Variants in NRXN3 observed in about 807,000 individuals in gnomAD.
NRXN3 encodes neurexin III.
A neutral mutation model predicts 137.6 loss-of-function variants in NRXN3; 32 were observed. That is an observed-to-expected ratio of 0.23 (90% confidence interval 0.18 to 0.31). NRXN3 has a LOEUF of 0.31. Ranked by LOEUF, NRXN3 falls within the 10% of genes least tolerant of loss-of-function variation. The probability of loss-of-function intolerance (pLI) is 1.00; values close to 1 mark genes in which losing one functional copy is unlikely to be tolerated. For missense variants in NRXN3, 1,574 were observed against 2,062.5 expected, an observed-to-expected ratio of 0.76 and a Z score of 4.59; for synonymous variants, 798 against 784.5, an observed-to-expected ratio of 1.02 and a Z score of -0.29.
chr14:79,538,484 T>G (rs2097237109), intron 16 of NRXN3, among the ~76,000 whole-genome samples: 1 of 152,194 alleles, frequency 6.6e-6, no homozygotes, highest in Non-Finnish European at 1.5e-5. Flanking sequence ...TTGTATAAGG[T>G]GTAAGGAAGG....
intron 15 of NRXN3, among the ~76,000 whole-genome samples, chr14:79,285,847 C>G (rs960262614): frequency 6.6e-6 from 1 of 151,946 alleles, no homozygotes; most frequent in Admixed American, 6.6e-5. Context: ...TTCTCCTCAC[C>G]GTGCGCTGCC....
intron 4 of NRXN3, among the ~76,000 whole-genome samples, chr14:78,308,390 A>G (rs909801978): frequency 2.0e-5 from 3 of 152,134 alleles, no homozygotes; most frequent in South Asian, 2.1e-4. Context: ...AGCATAGTCA[A>G]GACCATAGAA....
intron 4 of NRXN3, among the ~76,000 whole-genome samples, chr14:78,532,502 C>G (rs187795704): frequency 6.6e-6 from 1 of 151,658 alleles, no homozygotes; most frequent in African/African-American, 2.4e-5. Flanking sequence ...GATGACTTCT[C>G]TCATTCAAGA....
chr14:78,359,255 A>G (rs997635775), intron 4 of NRXN3, among the ~76,000 whole-genome samples: 3 of 152,138 alleles, frequency 2.0e-5, no homozygotes, highest in Non-Finnish European at 2.9e-5. Flanking sequence ...ATTCTGATGT[A>G]TGGTTCTCAG....
chr14:79,280,703 A>G, intron 15 of NRXN3: 1 of 696,446 alleles, frequency 1.4e-6, no homozygotes, highest in Non-Finnish European at 2.4e-6. Flanking sequence ...CTTTCTCATA[A>G]AGGTTAGTGT....
chr14:78,302,045 G>A (rs1361683795), intron 4 of NRXN3, among the ~76,000 whole-genome samples: 2 of 152,096 alleles, frequency 1.3e-5, no homozygotes, highest in African/African-American at 2.4e-5. Context: ...CTCCACTGAC[G>A]CTACTTAGTG....
Position 79,823,928 on chromosome 14 carries a change from T to G in NRXN3, c.4093+18738T>G, listed in dbSNP as rs1393643434. 8 of 448,496 alleles carry G rather than the reference T, an allele frequency of 1.8e-5. No individual in the cohort carries two copies. In the East Asian group the frequency reaches 5.6e-4, roughly 32 times the overall value. 27.8% of individuals were successfully genotyped at this position (448,496 alleles called of 1,614,324 possible). On this transcript the variant is annotated intron_variant, in intron 20 of 20. Coordinates refer to ENST00000335750, the MANE Select transcript of NRXN3 (RefSeq NM_001330195.2). ...ACAAATTGTCCATGGATACACCAGGTGGTAATGCAGCAGCAGTGGGCACAA... is the reference window on the plus strand; with the variant it reads ...ACAAATTGTCCATGGATACACCAGGGGGTAATGCAGCAGCAGTGGGCACAA...
chr14:79,804,644 C>T (rs1342402206), intron 19 of NRXN3, among the ~76,000 whole-genome samples: 1 of 152,148 alleles, frequency 6.6e-6, no homozygotes, highest in African/African-American at 2.4e-5. Flanking sequence ...ATTATGCCAG[C>T]CTGTAGATGC....
At chr14:79,244,590 G>C (rs1434989854) in intron 15 of NRXN3, among the ~76,000 whole-genome samples, 1 of 152,116 alleles carries the variant, frequency 6.6e-6, no homozygotes. Flanking sequence ...CAGTGTAATT[G>C]ATAGGAGCAA....
chr14:79,092,511 T>C (rs1009221993), intron 15 of NRXN3, among the ~76,000 whole-genome samples: 2 of 152,130 alleles, frequency 1.3e-5, no homozygotes, highest in African/African-American at 4.8e-5. Context: ...ACCCTTGCCC[T>C]AAAAGTTTTA....
intron 10 of NRXN3, among the ~76,000 whole-genome samples, chr14:78,834,573 A>C (rs1371068965): frequency 6.6e-6 from 1 of 152,180 alleles, no homozygotes; most frequent in East Asian, 1.9e-4. Flanking sequence ...TGGCCCTTGC[A>C]GTGTTACCTG....
chr14:79,096,112 T>C (rs1040443643), intron 15 of NRXN3, among the ~76,000 whole-genome samples: 4 of 148,416 alleles, frequency 2.7e-5, no homozygotes, highest in African/African-American at 9.8e-5. Flanking sequence ...ATTCTATTCT[T>C]TTTTTTTTTT....
rs531809619 is a variant in NRXN3 at position 78,456,285 on chromosome 14, A to G, written c.757+158425A>G. Among the ~76,000 whole-genome samples, 6 of 152,320 alleles carry G rather than the reference A, an allele frequency of 3.9e-5. No homozygotes were observed. The South Asian group carries it at 1.2e-3, about 32-fold the overall frequency. On this transcript the variant is annotated intron_variant, in intron 4 of 20. Transcript: ENST00000335750. ...AAGTAAACCTTGTAAAGAAAAGTAC[A>G]AAAAGCGGCTCAGGTTTGCTTCTCT...
At chr14:78,527,065 G>A (rs139044800) in intron 4 of NRXN3, among the ~76,000 whole-genome samples, 1 of 152,294 alleles carries the variant, frequency 6.6e-6, no homozygotes, top group Non-Finnish European at 1.5e-5. Context: ...CAGAGTTTGA[G>A]TAAAGGCTTT....
intron 15 of NRXN3, among the ~76,000 whole-genome samples, chr14:79,047,386 A>G (rs1027248433): frequency 2.6e-5 from 4 of 152,314 alleles, no homozygotes; most frequent in South Asian, 2.1e-4. Flanking sequence ...ATAGGCAACA[A>G]TATTTTAGAA....
intron 4 of NRXN3, among the ~76,000 whole-genome samples, chr14:78,465,768 C>T (rs944191741): frequency 1.3e-5 from 2 of 151,924 alleles, no homozygotes; most frequent in African/African-American, 2.4e-5. Context: ...CTCTTGACCT[C>T]GTGATCTGCC....
chr14:78,627,151 A>G (rs1214257607), intron 4 of NRXN3, among the ~76,000 whole-genome samples: 2 of 88,138 alleles, frequency 2.3e-5, no homozygotes, highest in African/African-American at 8.2e-5. Context: ...TCTCATTTTT[A>G]TTAGACTGCT....
chr14:79,467,361 G>C lies in NRXN3; in HGVS notation c.3403G>C (p.Asp1135His). ...TVKDGILVRIDSAPGLGDFLQ... is the reference protein window; with the variant it reads ...TVKDGILVRIHSAPGLGDFLQ... ...GAAGGATGGCATCTTGGTCCGCATC[G>C]ACAGTGCTCCAGGACTTGGTGACTT... Residue 1135 changes from aspartate to histidine, a missense_variant, in exon 16 of 21, where the codon GAC becomes CAC. Physicochemically the swap from Asp to His is moderately conservative, Grantham distance 81. Coordinates refer to ENST00000335750, the MANE Select transcript of NRXN3 (RefSeq NM_001330195.2). 6.2e-7 allele frequency: 1 copy of C among 1,612,088 alleles called. No homozygotes were observed. The highest frequency in any genetic ancestry group is 1.7e-4 in the Middle Eastern group (1 of 6,052).
chr14:78,916,562 T>C (rs143176213), intron 10 of NRXN3, among the ~76,000 whole-genome samples: 229 of 152,122 alleles, frequency 1.5e-3, no homozygotes, highest in African/African-American at 5.2e-3. Context: ...GAAGACCTGT[T>C]TGGATGGAGA....
Sources: gnomAD v4.1 joint callset for allele counts (sites outside exome capture counted in the v4.1 genomes callset) on GRCh38, gnomAD v4.1.1 for gene constraint, MANE v1.5 for transcripts, NCBI Gene and HGNC (gene_info 2026-07-23, HGNC 2026-07-21) for gene names.